The following NDE1 variants were observed in gnomAD, a reference collection of about 807,000 sequenced individuals.
NDE1 encodes nudE neurodevelopment protein 1.
NDE1 carries 28 observed loss-of-function variants against 43.4 expected under a neutral mutation model. That is an observed-to-expected ratio of 0.65 (90% CI 0.48 to 0.89). NDE1 has a LOEUF of 0.89. Among genes scored for constraint, NDE1 ranks in the 40% least tolerant of loss-of-function variants. The pLI, the probability that NDE1 is intolerant of heterozygous loss-of-function variation, is 0.00. For synonymous variants in NDE1, 184 were observed against 172.0 expected (o/e 1.07, Z -0.55); for missense variants, 441 against 434.1 (o/e 1.02, Z -0.14).
At position 15,714,911 on chromosome 16, in the gene NDE1, G is replaced by A; in HGVS notation, c.948-9280G>A. On this transcript the variant is annotated intron_variant, in intron 8 of 8. Transcript: ENST00000396354. ...CTCCCGGGCCACGGGCTCCTCACCT[G>A]AGCTTGCTCTTGAGTGCGTTCACCT... 1 of 1,613,788 alleles carries A rather than the reference G, an allele frequency of 6.2e-7. No homozygotes were observed. The highest frequency in any genetic ancestry group is 8.5e-7 in the Non-Finnish European group (1 of 1,180,034).
At chr16:15,699,085 T>C (rs1340588455) in intron 8 of NDE1, among the ~76,000 whole-genome samples, 1 of 151,730 alleles carries the variant, frequency 6.6e-6, no homozygotes, top group Non-Finnish European at 1.5e-5. Context: ...AGTCTTGCTA[T>C]GTTGCCCAGA....
At chr16:15,704,161 A>G (rs767970254) in intron 8 of NDE1, 4 of 1,612,328 alleles carry the variant, frequency 2.5e-6, no homozygotes, top group African/African-American at 2.7e-5. Context: ...TAGCAAAGAA[A>G]TCTTCATGGT....
chr16:15,647,365 C>G (rs1436426065), upstream of NDE1, among the ~76,000 whole-genome samples: 1 of 152,190 alleles, frequency 6.6e-6, no homozygotes, highest in Non-Finnish European at 1.5e-5. Flanking sequence ...TCAGAGCCAG[C>G]TCTGAAGCCT....
intron 8 of NDE1, chr16:15,704,226 A>T: frequency 2.1e-6 from 3 of 1,422,178 alleles, no homozygotes; most frequent in Non-Finnish European, 2.9e-6. Flanking sequence ...TCCTATTGCA[A>T]TATAAATTTT....
rs1024659152 is a variant in NDE1, at chr16:15,724,820, G to A, written c.*569G>A. 1 of 1,613,742 alleles carries A rather than the reference G, an allele frequency of 6.2e-7. No individual in the cohort carries two copies. The highest frequency in any genetic ancestry group is 8.5e-7 in the Non-Finnish European group (1 of 1,180,000). On this transcript the variant is annotated 3_prime_UTR_variant, in exon 9 of 9. Transcript: ENST00000396354. ...AGCTCCTGCAAAAGGGATGCAAAGA[G>A]GTCCCAGGGACCTGCCCCGAGGAAG...
chr16:15,707,943 G>A (rs1450628352), intron 8 of NDE1, among the ~76,000 whole-genome samples: 1 of 134,394 alleles, frequency 7.4e-6, no homozygotes, highest in Non-Finnish European at 1.5e-5. Context: ...TTGCACTCCA[G>A]AGCGAGACTC....
chr16:15,721,407 C>T, intron 8 of NDE1: 1 of 1,614,034 alleles, frequency 6.2e-7, no homozygotes, highest in Non-Finnish European at 8.5e-7. Context: ...AGAAAAACCA[C>T]CCAGAGCCAC....
chr16:15,685,125 A>T (rs2038373462), intron 4 of NDE1, among the ~76,000 whole-genome samples: 1 of 152,246 alleles, frequency 6.6e-6, no homozygotes, highest in Admixed American at 6.5e-5. Flanking sequence ...CATTTCTGCA[A>T]GCATTCTGTA....
intron 1 of NDE1, among the ~76,000 whole-genome samples, chr16:15,663,681 A>G (rs2037162259): frequency 6.6e-6 from 1 of 152,190 alleles, no homozygotes; most frequent in African/African-American, 2.4e-5. Context: ...ATTTCAGAAC[A>G]CACCAATGTG....
intron 8 of NDE1, among the ~76,000 whole-genome samples, chr16:15,716,515 GT>G (rs1286085792): frequency 2.6e-5 from 4 of 151,654 alleles, no homozygotes. Flanking sequence ...GTTTTTTGGG[GT>G]TTTTTTTGTG....
rs1300334455 is a variant in NDE1 at position 15,706,839 on chromosome 16, C to T, written c.947+9979C>T. Among the ~76,000 whole-genome samples, 8 of 152,142 alleles carry T rather than the reference C, an allele frequency of 5.3e-5. 1 individual carries two copies. On this transcript the variant is annotated intron_variant, in intron 8 of 8. Coordinates refer to ENST00000396354, the MANE Select transcript of NDE1 (RefSeq NM_017668.3). The stretch of plus-strand genomic sequence containing the variant: ...GAAAAGCTTAATGGATAAATTTGCT[C>T]CCTTGACCTAAGAAATACATTGTGC...
At chr16:15,654,081 CT>C (rs549880192) in intron 1 of NDE1, among the ~76,000 whole-genome samples, 112 of 152,176 alleles carry the variant, frequency 7.4e-4, no homozygotes, top group Middle Eastern at 6.8e-3. Flanking sequence ...AAAATAGATA[CT>C]TTTTGTACCA....
Position 15,708,351 on chromosome 16 carries a change from G to A in NDE1, c.947+11491G>A, listed in dbSNP as rs72772013. ...TGTGACCCAGACCAGCCAACTAGAA[G>A]CCAAGTACGTTCTCCAGGAATGTGC... On this transcript the variant is annotated intron_variant, in intron 8 of 8. Coordinates refer to ENST00000396354, the MANE Select transcript of NDE1 (RefSeq NM_017668.3). Among the ~76,000 whole-genome samples the A allele has an allele frequency of 9.6e-3, 1,469 of 152,284 alleles. 16 individuals carry two copies. Among genetic ancestry groups the A allele is most frequent in the South Asian group, 0.039 (188 of 4,828 alleles).
rs1481717268 is a variant in NDE1, at chr16:15,725,620, G to A, written c.*1369G>A. 5.0e-6 allele frequency: 2 copies of A among 403,416 alleles called. No individual in the cohort carries two copies. Among genetic ancestry groups the A allele is most frequent in the Non-Finnish European group, 8.7e-6 (2 of 228,834 alleles). The allele number at this position is 403,416 out of a possible 1,614,324, so 25.0% of individuals were successfully genotyped here. A position where few individuals can be genotyped will look rare whatever the true frequency, so the allele number is the denominator to read the frequency against. The stretch of plus-strand genomic sequence containing the variant: ...TGACAAGGAGGATATGAATGATCTT[G>A]ACACTGCTTATATGAGGGCGGCAAA... On this transcript the variant is annotated 3_prime_UTR_variant, in exon 9 of 9. Transcript: ENST00000396354.
intron 8 of NDE1, chr16:15,699,538 T>A (rs2039154240): frequency 1.7e-6 from 2 of 1,185,016 alleles, no homozygotes. Context: ...GACTGGGCGT[T>A]TTGTGTGACC....
chr16:15,703,724 G>T (rs1596660229), intron 8 of NDE1: 3 of 482,118 alleles, frequency 6.2e-6, no homozygotes, highest in East Asian at 3.7e-5. Flanking sequence ...TAGTAGCTGG[G>T]ACCACAGGTG....
Position 15,667,431 on chromosome 16 carries a change from A to G in NDE1, c.229A>G (p.Thr77Ala), listed in dbSNP as rs771910138. 1.5e-5 allele frequency: 24 copies of G among 1,613,640 alleles called. No homozygotes were observed. The highest frequency in any genetic ancestry group is 2.0e-5 in the Non-Finnish European group (24 of 1,179,868). The part of the protein sequence containing the change: ...ENNRLRMELE[T>A]IKEKFEVQHS... Reference sequence around the variant, plus strand: ...TAACCGCCTTCGCATGGAGCTGGAAACCATCAAGGTGAGGGGCTGAGAGGA... The same window carrying G: ...TAACCGCCTTCGCATGGAGCTGGAAGCCATCAAGGTGAGGGGCTGAGAGGA... Residue 77 changes from threonine (T) to alanine (A), a missense_variant, in exon 3 of 9, where the codon ACC (threonine) becomes GCC (alanine). Thr to Ala is a moderately conservative substitution (Grantham distance 58). Transcript: ENST00000396354.
In NDE1 at chr16:15,696,200, AT is replaced by A. The variant is rs1425301387; in HGVS notation, c.796-503del. The stretch of plus-strand genomic sequence containing the variant: ...AAAAAATTTTTCGTAATTAAAAAAA[AT>A]TTTTTGCATTAAAAATTTTTTTTAT... On this transcript the variant is annotated intron_variant, in intron 7 of 8. Coordinates refer to ENST00000396354, the MANE Select transcript of NDE1 (RefSeq NM_017668.3). Among the ~76,000 whole-genome samples, 5 of 149,910 alleles carry A rather than the reference AT, an allele frequency of 3.3e-5. No individual in the cohort carries two copies. The East Asian group carries it at 5.8e-4, about 18-fold the overall frequency.
chr16:15,692,338 C>T (rs2038796235), intron 6 of NDE1, among the ~76,000 whole-genome samples: 1 of 152,206 alleles, frequency 6.6e-6, no homozygotes. Flanking sequence ...CTACCATCTA[C>T]TACCTTATCC....
Sources: allele counts gnomAD v4.1 joint callset (sites outside exome capture counted in the v4.1 genomes callset), GRCh38; gene constraint gnomAD v4.1.1; transcripts MANE v1.5; gene names NCBI Gene and HGNC (gene_info 2026-07-23, HGNC 2026-07-21).